Variants in SEC22B observed in about 807,000 individuals in gnomAD.
The protein encoded by SEC22B is SEC22 homolog B, vesicle trafficking protein, also known as vesicle-trafficking protein SEC22b.
SEC22B carries 10 observed loss-of-function variants against 31.4 expected under a neutral mutation model. The observed-to-expected ratio is 0.32, with a 90% CI of 0.20 to 0.54. SEC22B has a LOEUF of 0.54. Ranked by LOEUF, SEC22B falls within the 20% of genes least tolerant of loss-of-function variation. SEC22B has a pLI of 0.94. For missense variants in SEC22B, 130 were observed against 263.4 expected, an observed-to-expected ratio of 0.49 and a Z score of 3.50; for synonymous variants, 60 against 95.9, an observed-to-expected ratio of 0.63 and a Z score of 2.19.
At chr1:120,167,713 G>T (rs1321600328) in intron 2 of SEC22B, among the ~76,000 whole-genome samples, 3 of 151,780 alleles carry the variant, frequency 2.0e-5, no homozygotes, top group Non-Finnish European at 4.4e-5. Context: ...TCAATATAAG[G>T]TCTGGCAAAG....
Position 120,176,487 on chromosome 1 carries a change from TC to T in SEC22B, c.-107del. On this transcript the variant is annotated 5_prime_UTR_variant, in exon 1 of 5. Transcript: ENST00000578049. ...TACCCTATGTCTCAGTTACCGGAGA[TC>T]CAGCTGCTTGCGTCTCCGCTTCCCG... 1 of 993,392 alleles carries T rather than the reference TC, an allele frequency of 1.0e-6. No homozygotes were observed. Among genetic ancestry groups the T allele is most frequent in the Non-Finnish European group, 1.5e-6 (1 of 658,500 alleles). 61.5% of individuals were successfully genotyped at this position (993,392 alleles called of 1,614,324 possible).
chr1:120,163,945 C>CTTTT lies in SEC22B; in HGVS notation c.186-579_186-576dup, dbSNP rs1169530604. Among the ~76,000 whole-genome samples, 531 of 68,882 alleles carry CTTTT rather than the reference C, an allele frequency of 7.7e-3. 2 individuals carry two copies. The highest frequency in any genetic ancestry group is 1.0e-2 in the Non-Finnish European group (373 of 37,412). 45.2% of individuals were successfully genotyped at this position (68,882 alleles called of 152,430 possible). ...TATAATTTTTCATCCATTAGATTCTCTTTTTTTTTTTTTTTTTTTTTTTTG... is the reference window on the plus strand; with the variant it reads ...TATAATTTTTCATCCATTAGATTCTCTTTTTTTTTTTTTTTTTTTTTTTTTTTTG... On this transcript the variant is annotated intron_variant, in intron 2 of 4. Coordinates refer to ENST00000578049, the MANE Select transcript of SEC22B (RefSeq NM_004892.6).
In SEC22B at chr1:120,151,509, T is replaced by C. The variant is rs61789909; in HGVS notation, c.*5529A>G. 54 of 148,502 alleles carry C rather than the reference T, an allele frequency of 3.6e-4. No individual in the cohort carries two copies. Among genetic ancestry groups the C allele is most frequent in the East Asian group, 1.0e-3 (5 of 4,798 alleles). The allele number at this position is 148,502 out of a possible 1,614,324, so 9.2% of individuals were successfully genotyped here. A position where few individuals can be genotyped will look rare whatever the true frequency, so the allele number is the denominator to read the frequency against. On this transcript the variant is annotated 3_prime_UTR_variant, in exon 5 of 5. Coordinates refer to ENST00000578049, the MANE Select transcript of SEC22B (RefSeq NM_004892.6). The stretch of plus-strand genomic sequence containing the variant: ...GGTGAAACTCCATCTCTACTAAAAA[T>C]ACAAAAATTAGCCAGGAGCTGTGGC...
chr1:120,151,121 A>G lies in SEC22B; in HGVS notation c.*5917T>C, dbSNP rs1181940904. ...GGAGGGGCCAAACAACATGCAAACCATAGCAGCAGGTTTAAAGGTAAAAGG... is the reference window on the plus strand; with the variant it reads ...GGAGGGGCCAAACAACATGCAAACCGTAGCAGCAGGTTTAAAGGTAAAAGG... On this transcript the variant is annotated 3_prime_UTR_variant, in exon 5 of 5. Transcript: ENST00000578049. 4 of 152,240 alleles carry G rather than the reference A, an allele frequency of 2.6e-5. No homozygotes were observed. Among genetic ancestry groups the G allele is most frequent in the Non-Finnish European group, 5.9e-5 (4 of 68,052 alleles). 9.4% of individuals were successfully genotyped at this position (152,240 alleles called of 1,614,324 possible). A position where few individuals can be genotyped will look rare whatever the true frequency, so the allele number is the denominator to read the frequency against.
rs1296165391 is a variant in SEC22B, at chr1:120,152,104, T to G, written c.*4934A>C. ...CCAAAAAACAAGTTTGAAGGTATATTTGGGAGTTACCAGTAATATAGGTAA... is the reference window on the plus strand; with the variant it reads ...CCAAAAAACAAGTTTGAAGGTATATGTGGGAGTTACCAGTAATATAGGTAA... On this transcript the variant is annotated 3_prime_UTR_variant, in exon 5 of 5. Transcript: ENST00000578049. The G allele has an allele frequency of 1.3e-5, 2 of 152,056 alleles. No individual in the cohort carries two copies. The highest frequency in any genetic ancestry group is 1.3e-4 in the Admixed American group (2 of 15,260). The allele number at this position is 152,056 out of a possible 1,614,324, so 9.4% of individuals were successfully genotyped here.
rs1427319679 is a variant in SEC22B, at chr1:120,176,482, G to A, written c.-101C>T. ...AGTTATACCCTATGTCTCAGTTACC[G>A]GAGATCCAGCTGCTTGCGTCTCCGC... On this transcript the variant is annotated 5_prime_UTR_variant, in exon 1 of 5. Coordinates refer to ENST00000578049, the MANE Select transcript of SEC22B (RefSeq NM_004892.6). The A allele has an allele frequency of 6.6e-6, 7 of 1,063,214 alleles. No individual in the cohort carries two copies. The East Asian group carries it at 8.0e-5, about 12-fold the overall frequency. 65.9% of individuals were successfully genotyped at this position (1,063,214 alleles called of 1,614,324 possible).
At chr1:120,157,882 CAAA>C (rs1209682437) in intron 4 of SEC22B, 1 of 138,532 alleles carries the variant, frequency 7.2e-6, no homozygotes, top group South Asian at 2.3e-4. Flanking sequence ...ATAAGTACTA[CAAA>C]AAAAAACGCA....
In SEC22B at chr1:120,163,644, C is replaced by T. The variant is rs1324967482; in HGVS notation, c.186-274G>A. On this transcript the variant is annotated intron_variant, in intron 2 of 4. Transcript: ENST00000578049. ...GGGCTGGAGTGCAGTGGCATTATCT[C>T]GGCTCACTGCAACCTCCGCCTCCCG... Among the ~76,000 whole-genome samples the T allele has an allele frequency of 4.0e-5, 6 of 150,478 alleles. No individual in the cohort carries two copies. The East Asian group carries it at 7.8e-4, about 20-fold the overall frequency.
intron 2 of SEC22B, 71 bp from the exon 3 acceptor site, chr1:120,163,441 T>G: frequency 9.6e-7 from 1 of 1,036,852 alleles, no homozygotes; most frequent in South Asian, 3.5e-5. Context: ...TAAAGCAGAA[T>G]CTCTGTACCA....
Position 120,163,246 on chromosome 1 carries a change from G to C in SEC22B, c.310C>G (p.Pro104Ala), listed in dbSNP as rs1191546206. The change falls in exon 3 of 5, where the codon CCC becomes GCC. Residue 104 changes from proline (P) to alanine (A), a missense_variant. Transcript: ENST00000578049. ...AAGGAATAGGGTCGGGACACAGTGG[G>C]CACCTTCTTTCCATGCTGTTCATCA... The part of the protein sequence containing the change: ...EFDEQHGKKV[P>A]TVSRPYSFIE... The C allele has an allele frequency of 4.4e-6, 7 of 1,589,492 alleles. No individual in the cohort carries two copies. The East Asian group carries it at 9.0e-5, about 21-fold the overall frequency.
At chr1:120,176,272 G>T in intron 1 of SEC22B, 35 bp downstream of exon 1, 1 of 1,596,028 alleles carries the variant, frequency 6.3e-7, no homozygotes, top group Non-Finnish European at 8.5e-7. Context: ...CGCTGACAGA[G>T]ACTTGGGGTC....
At chr1:120,158,902 CACTT>C (rs1657670493) in intron 4 of SEC22B, 1 of 103,474 alleles carries the variant, frequency 9.7e-6, no homozygotes, top group African/African-American at 3.5e-5. Flanking sequence ...AAAGAAAACT[CACTT>C]ACTAATGAAT....
rs1553228776 is a variant in SEC22B at position 120,151,841 on chromosome 1, TTA to T, written c.*5195_*5196del. 7.3e-5 allele frequency: 11 copies of T among 150,510 alleles called. No individual in the cohort carries two copies. The highest frequency in any genetic ancestry group is 2.4e-4 in the African/African-American group (10 of 40,842). 9.3% of individuals were successfully genotyped at this position (150,510 alleles called of 1,614,324 possible). ...AATAAAATACCTTTTGAAAGTTATA[TTA>T]AAAAATTTTTGGTTAATAGTCTAGT... On this transcript the variant is annotated 3_prime_UTR_variant, in exon 5 of 5. Coordinates refer to ENST00000578049, the MANE Select transcript of SEC22B (RefSeq NM_004892.6).
At position 120,151,916 on chromosome 1, in the gene SEC22B, G is replaced by A. The variant is rs1357576878; in HGVS notation, c.*5122C>T. 1.3e-5 allele frequency: 2 copies of A among 152,054 alleles called. No homozygotes were observed. The highest frequency in any genetic ancestry group is 4.8e-5 in the African/African-American group (2 of 41,384). 9.4% of individuals were successfully genotyped at this position (152,054 alleles called of 1,614,324 possible). Reference sequence around the variant, plus strand: ...AGGAGTCTAATGCAATGCGTGACTTGTAGCTCAGGTAAAGGGGTGGCAGGT... The same window carrying A: ...AGGAGTCTAATGCAATGCGTGACTTATAGCTCAGGTAAAGGGGTGGCAGGT... On this transcript the variant is annotated 3_prime_UTR_variant, in exon 5 of 5. Coordinates refer to ENST00000578049, the MANE Select transcript of SEC22B (RefSeq NM_004892.6).
Position 120,152,645 on chromosome 1 carries a change from A to T in SEC22B, c.*4393T>A, listed in dbSNP as rs1447167838. On this transcript the variant is annotated 3_prime_UTR_variant, in exon 5 of 5. Transcript: ENST00000578049. The stretch of plus-strand genomic sequence containing the variant: ...GTAAAAAAGGGAAAACAAAATAACA[A>T]AAGCAAAAACTATTTAAAAAGAATA... 20 of 150,522 alleles carry T rather than the reference A, an allele frequency of 1.3e-4. No individual in the cohort carries two copies. The highest frequency in any genetic ancestry group is 5.0e-4 in the African/African-American group (20 of 40,146). The allele number at this position is 150,522 out of a possible 1,614,324, so 9.3% of individuals were successfully genotyped here.
chr1:120,153,011 T>C lies in SEC22B; in HGVS notation c.*4027A>G, dbSNP rs1352029765. On this transcript the variant is annotated 3_prime_UTR_variant, in exon 5 of 5. Coordinates refer to ENST00000578049, the MANE Select transcript of SEC22B (RefSeq NM_004892.6). ...AGAGAAAAAAGTATAGATTACTATATGGAAGTCAAATTTCTAGTGACTTTT... is the reference window on the plus strand; with the variant it reads ...AGAGAAAAAAGTATAGATTACTATACGGAAGTCAAATTTCTAGTGACTTTT... 1 of 149,708 alleles carries C rather than the reference T, an allele frequency of 6.7e-6. No homozygotes were observed. Among genetic ancestry groups the C allele is most frequent in the Non-Finnish European group, 1.5e-5 (1 of 67,894 alleles). 9.3% of individuals were successfully genotyped at this position (149,708 alleles called of 1,614,324 possible).
At chr1:120,169,443 T>C (rs1274835746) in intron 1 of SEC22B, among the ~76,000 whole-genome samples, 1 of 152,254 alleles carries the variant, frequency 6.6e-6, no homozygotes, top group East Asian at 1.9e-4. Flanking sequence ...TTACGAACAC[T>C]TTGACTGCAA....
Position 120,155,377 on chromosome 1 carries a change from G to A in SEC22B, c.*1661C>T. On this transcript the variant is annotated 3_prime_UTR_variant, in exon 5 of 5. Transcript: ENST00000578049. The stretch of plus-strand genomic sequence containing the variant: ...ATTAACATCATCATTACTTCAGCAG[G>A]AGCCTTTTAGGGACTTAAAAGCACT... The A allele has an allele frequency of 6.7e-6, 1 of 149,470 alleles. No homozygotes were observed. Among genetic ancestry groups the A allele is most frequent in the East Asian group, 2.0e-4 (1 of 5,120 alleles). 9.3% of individuals were successfully genotyped at this position (149,470 alleles called of 1,614,324 possible). A position where few individuals can be genotyped will look rare whatever the true frequency, so the allele number is the denominator to read the frequency against.
chr1:120,155,766 C>T lies in SEC22B; in HGVS notation c.*1272G>A, dbSNP rs1341477851. On this transcript the variant is annotated 3_prime_UTR_variant, in exon 5 of 5. Coordinates refer to ENST00000578049, the MANE Select transcript of SEC22B (RefSeq NM_004892.6). ...TAATATTTAAAAGGCCTATTTTCCC[C>T]ATTAAAAAATTCTACCTCAGAAGGT... 9 of 152,050 alleles carry T rather than the reference C, an allele frequency of 5.9e-5. No individual in the cohort carries two copies. The highest frequency in any genetic ancestry group is 1.0e-4 in the Non-Finnish European group (7 of 67,950). The allele number at this position is 152,050 out of a possible 1,614,324, so 9.4% of individuals were successfully genotyped here.
Sources: gnomAD v4.1 joint callset for allele counts (sites outside exome capture counted in the v4.1 genomes callset) on GRCh38, gnomAD v4.1.1 for gene constraint, MANE v1.5 for transcripts, NCBI Gene and HGNC (gene_info 2026-07-23, HGNC 2026-07-21) for gene names.